Variants in GALNT13 observed in about 807,000 individuals in gnomAD.
GALNT13 encodes the protein polypeptide N-acetylgalactosaminyltransferase 13.
GALNT13 carries 28 observed loss-of-function variants against 64.2 expected under a neutral mutation model. The observed-to-expected ratio is 0.44, with a 90% confidence interval of 0.32 to 0.60. GALNT13 has a LOEUF of 0.60. Ranked by LOEUF, GALNT13 falls within the 20% of genes least tolerant of loss-of-function variation. The pLI, the probability that GALNT13 is intolerant of heterozygous loss-of-function variation, is 0.05. For missense variants in GALNT13, 577 were observed against 669.8 expected (o/e 0.86, Z 1.53); for synonymous variants, 214 against 224.6 (o/e 0.95, Z 0.42).
chr2:153,561,591 A>G, the GALNT13 span, among the ~76,000 whole-genome samples: 13 of 151,890 alleles, frequency 8.6e-5, no homozygotes, highest in Admixed American at 8.5e-4. Flanking sequence ...TTCAGATTTT[A>G]GAGCATTTTG....
At chr2:153,284,350 A>G in the GALNT13 span, among the ~76,000 whole-genome samples, 1 of 152,278 alleles carries the variant, frequency 6.6e-6, no homozygotes, top group East Asian at 1.9e-4. Flanking sequence ...CACTTTCCAC[A>G]ATTCTGGCTG....
the GALNT13 span, among the ~76,000 whole-genome samples, chr2:153,303,491 T>C: frequency 5.4e-3 from 822 of 152,312 alleles, 10 homozygotes; most frequent in African/African-American, 0.019. Flanking sequence ...TAAGAGCATA[T>C]TGTCTGCAAA....
chr2:153,120,392 A>T, the GALNT13 span, among the ~76,000 whole-genome samples: 1 of 152,304 alleles, frequency 6.6e-6, no homozygotes, highest in South Asian at 2.1e-4. Flanking sequence ...TAAAGAAAAA[A>T]TTATTTGGAT....
the GALNT13 span, among the ~76,000 whole-genome samples, chr2:153,224,735 A>G: frequency 1.3e-5 from 2 of 152,184 alleles, no homozygotes; most frequent in African/African-American, 4.8e-5. Context: ...TTTTCACGCA[A>G]TTTGATAACT....
the GALNT13 span, among the ~76,000 whole-genome samples, chr2:153,852,122 TAA>T: frequency 6.6e-6 from 1 of 150,408 alleles, no homozygotes; most frequent in East Asian, 1.9e-4. Flanking sequence ...GAAATAGAAG[TAA>T]AAAAAAATAA....
chr2:154,217,270 C>G (rs966091732), intron 4 of GALNT13, among the ~76,000 whole-genome samples: 8 of 151,976 alleles, frequency 5.3e-5, no homozygotes, highest in Non-Finnish European at 7.4e-5. Context: ...CAATGAAATT[C>G]TCATTATTTT....
At chr2:153,287,097 A>G in the GALNT13 span, among the ~76,000 whole-genome samples, 2 of 152,240 alleles carry the variant, frequency 1.3e-5, no homozygotes, top group Non-Finnish European at 2.9e-5. Flanking sequence ...ATGAAGGCCA[A>G]TAAAATATTT....
chr2:154,098,965 G>T (rs1024777975), intron 3 of GALNT13, among the ~76,000 whole-genome samples: 2 of 151,832 alleles, frequency 1.3e-5, no homozygotes, highest in Non-Finnish European at 2.9e-5. Flanking sequence ...TCAAATGGAA[G>T]TTCTCTTTTT....
At chr2:153,549,732 T>A in the GALNT13 span, among the ~76,000 whole-genome samples, 1 of 152,196 alleles carries the variant, frequency 6.6e-6, no homozygotes, top group African/African-American at 2.4e-5. Flanking sequence ...AATGATTCTA[T>A]TAAATGACTA....
intron 7 of GALNT13, among the ~76,000 whole-genome samples, chr2:154,253,188 G>T (rs1484363216): frequency 6.6e-6 from 1 of 152,160 alleles, no homozygotes; most frequent in Non-Finnish European, 1.5e-5. Context: ...GTCAAACACT[G>T]TGGGGCTGGG....
the GALNT13 span, among the ~76,000 whole-genome samples, chr2:153,105,763 A>G: frequency 6.6e-6 from 1 of 152,110 alleles, no homozygotes; most frequent in African/African-American, 2.4e-5. Context: ...ACTCCCATTC[A>G]CAATTGCTTC....
intron 8 of GALNT13, among the ~76,000 whole-genome samples, chr2:154,260,910 CTT>C (rs1244775872): frequency 6.6e-6 from 1 of 152,120 alleles, no homozygotes; most frequent in African/African-American, 2.4e-5. Flanking sequence ...TACTTTTTCT[CTT>C]GTCTTCCTAA....
At chr2:153,402,918 A>T in the GALNT13 span, among the ~76,000 whole-genome samples, 3 of 151,958 alleles carry the variant, frequency 2.0e-5, no homozygotes, top group Non-Finnish European at 4.4e-5. Flanking sequence ...GAAGCCTTCT[A>T]CTCTCAGCTC....
intron 9 of GALNT13, among the ~76,000 whole-genome samples, chr2:154,354,494 G>A (rs530044330): frequency 1.6e-5 from 2 of 124,314 alleles, no homozygotes; most frequent in African/African-American, 6.1e-5. Context: ...CTTGGCCATG[G>A]CCATGTCAGT....
the GALNT13 span, among the ~76,000 whole-genome samples, chr2:153,506,613 GA>G: frequency 6.6e-6 from 1 of 152,156 alleles, no homozygotes; most frequent in African/African-American, 2.4e-5. Flanking sequence ...AGTTTTGCTG[GA>G]TACAAAATTC....
the GALNT13 span, among the ~76,000 whole-genome samples, chr2:153,791,354 A>C: frequency 6.6e-6 from 1 of 152,180 alleles, no homozygotes; most frequent in African/African-American, 2.4e-5. Flanking sequence ...AATGGTTATT[A>C]TTAAGTTGGT....
intron 7 of GALNT13, among the ~76,000 whole-genome samples, chr2:154,250,697 G>C (rs1040008105): frequency 1.3e-5 from 2 of 151,792 alleles, no homozygotes; most frequent in African/African-American, 4.8e-5. Flanking sequence ...ACAAATATAA[G>C]ACAAAGTTTC....
At chr2:153,094,779 A>C in the GALNT13 span, among the ~76,000 whole-genome samples, 42,417 of 152,020 alleles carry the variant, frequency 0.28, 6,656 homozygotes, top group East Asian at 0.62. Context: ...CAAAAACAAG[A>C]AATGGGGAAA....
the GALNT13 span, among the ~76,000 whole-genome samples, chr2:153,469,957 T>C: frequency 6.6e-6 from 1 of 152,140 alleles, no homozygotes; most frequent in Admixed American, 6.6e-5. Flanking sequence ...TCAGAGCTAT[T>C]GTCCAGGGCA....
Sources: allele counts gnomAD v4.1 joint callset (sites outside exome capture counted in the v4.1 genomes callset), GRCh38; gene constraint gnomAD v4.1.1; transcripts MANE v1.5; gene names NCBI Gene and HGNC (gene_info 2026-07-23, HGNC 2026-07-21).